The following KLK7 variants were observed in gnomAD, a reference collection of about 807,000 sequenced individuals.
KLK7 encodes kallikrein-7.
In KLK7, 17 loss-of-function variants were observed where a neutral mutation model predicts 21.0. The ratio of observed to expected loss-of-function variants is 0.81; its 90% CI spans 0.55 to 1.21. KLK7 has a LOEUF of 1.21. Among genes scored for constraint, KLK7 ranks in the 50% most tolerant of loss-of-function variants. The pLI is 0.00. For synonymous variants in KLK7, 151 were observed against 134.6 expected, an observed-to-expected ratio of 1.12 and a Z score of -0.85; for missense variants, 330 against 322.8, an observed-to-expected ratio of 1.02 and a Z score of -0.17.
chr19:50,982,227 G>A, intron 2 of KLK7, 100 bp downstream of exon 2: 1 of 1,456,800 alleles, frequency 6.9e-7, no homozygotes, highest in Non-Finnish European at 9.4e-7. Context: ...CTCCCAGGAT[G>A]GAAGCTGTTT....
chr19:50,982,183 A>C, intron 2 of KLK7, 144 bp downstream of exon 2: 1 of 1,101,308 alleles, frequency 9.1e-7, no homozygotes, highest in Non-Finnish European at 1.3e-6. Flanking sequence ...CAGCAGAAGC[A>C]GGAAGAGCGG....
chr19:50,981,808 GA>G lies in KLK7; in HGVS notation c.179del (p.Val60AlafsTer14). 6.3e-7 allele frequency: 1 copy of G among 1,597,110 alleles called. No individual in the cohort carries two copies. The highest frequency in any genetic ancestry group is 8.5e-7 in the Non-Finnish European group (1 of 1,173,372). On this transcript the variant is annotated frameshift_variant, in exon 3 of 6. Transcript: ENST00000595820. LOFTEE classifies it high-confidence loss of function. ...GNQLHCGGVLVNERWVLTAAH... is the reference protein window; with the variant it reads ...GNQLHCGGVLXNERWVLTAAH... ...CGGCAGTGAGCACCCAGCGCTCATT[GA>G]CCAGGACGCCTCCGCAGTGGAGCTG...
intron 1 of KLK7, among the ~76,000 whole-genome samples, chr19:50,983,325 C>T (rs1341746568): frequency 4.1e-5 from 1 of 24,566 alleles, no homozygotes. Context: ...AGGCCCCAGC[C>T]CCTCCTCCCT....
intron 1 of KLK7, among the ~76,000 whole-genome samples, chr19:50,983,359 G>T (rs1277970901): frequency 1.7e-5 from 1 of 60,492 alleles, no homozygotes; most frequent in Non-Finnish European, 3.0e-5. Context: ...CCAGGCCCCA[G>T]CCCCTCCTCC....
intron 5 of KLK7, among the ~76,000 whole-genome samples, chr19:50,979,262 A>T (rs1175594468): frequency 6.6e-6 from 1 of 152,192 alleles, no homozygotes; most frequent in African/African-American, 2.4e-5. Flanking sequence ...AACGAAATCA[A>T]ATGTAATACA....
chr19:50,984,024 C>T (rs987786744), upstream of KLK7: 5 of 862,586 alleles, frequency 5.8e-6, no homozygotes, highest in Non-Finnish European at 6.6e-6. Context: ...CCTGCATTTG[C>T]GGTTCTGGTT....
chr19:50,979,774 G>A lies in KLK7; in HGVS notation c.606+14C>T, dbSNP rs371139118. Reference sequence around the variant, plus strand: ...TACCCAGGACTGGGGAGGAATTGGGGGGGAGGGTCTCACATTGCAGGCGTT... The same window carrying A: ...TACCCAGGACTGGGGAGGAATTGGGAGGGAGGGTCTCACATTGCAGGCGTT... On this transcript the variant is annotated intron_variant, in intron 5 of 5. Transcript: ENST00000595820. 1.3e-6 allele frequency: 2 copies of A among 1,563,156 alleles called. No individual in the cohort carries two copies. The highest frequency in any genetic ancestry group is 2.4e-5 in the South Asian group (2 of 84,900).
At chr19:50,979,579 C>G (rs1390134493) in intron 5 of KLK7, among the ~76,000 whole-genome samples, 1 of 152,232 alleles carries the variant, frequency 6.6e-6, no homozygotes, top group Non-Finnish European at 1.5e-5. Flanking sequence ...CTATTAAACT[C>G]TCTGTCTCAT....
Position 50,980,383 on chromosome 19 carries a change from T to C in KLK7, c.326A>G (p.His109Arg). ...FRHPGYSTQT[H>R]VNDLMLVKLN... ...CTTCACGAGCATGAGGTCATTAACATGGGTCTGTGTGGAGTAGCCGGGGTG... is the reference window on the plus strand; with the variant it reads ...CTTCACGAGCATGAGGTCATTAACACGGGTCTGTGTGGAGTAGCCGGGGTG... Residue 109 changes from histidine to arginine, a missense_variant, in exon 4 of 6, where the codon CAT becomes CGT. His to Arg is a conservative substitution (Grantham distance 29). Transcript: ENST00000595820. 3.1e-6 allele frequency: 5 copies of C among 1,614,040 alleles called. No homozygotes were observed. Among genetic ancestry groups the C allele is most frequent in the Non-Finnish European group, 4.2e-6 (5 of 1,179,976 alleles).
chr19:50,983,737 T>C (rs1420123281), intron 1 of KLK7, 114 bp downstream of exon 1: 1 of 1,218,582 alleles, frequency 8.2e-7, no homozygotes, highest in African/African-American at 1.6e-5. Flanking sequence ...AGGCCCTCAC[T>C]GCTCAGGACC....
rs776670805 is a variant in KLK7, at chr19:50,977,673, A to G, written c.625T>C (p.Leu209=). 2 of 1,613,238 alleles carry G rather than the reference A, an allele frequency of 1.2e-6. No individual in the cohort carries two copies. Among genetic ancestry groups the G allele is most frequent in the Middle Eastern group, 1.8e-4 (1 of 5,702 alleles). Residue 209 remains leucine (L), a synonymous_variant, in exon 6 of 6, where the codon TTG becomes CTG. Coordinates refer to ENST00000595820, the MANE Select transcript of KLK7 (RefSeq NM_005046.4). The part of the protein sequence containing the change: ...NACNGDSGGP[L]VCRGTLQGLV... ...CCTTGCAGGGTACCTCTGCACACCA[A>G]CGGTCCCCCTGAGTCACCCTAGAGG...
rs200158151 is a variant in KLK7 at position 50,980,458 on chromosome 19, G to A, written c.251C>T (p.Thr84Met). The A allele has an allele frequency of 1.2e-5, 19 of 1,613,944 alleles. No individual in the cohort carries two copies. Among genetic ancestry groups the A allele is most frequent in the African/African-American group, 4.0e-5 (3 of 74,980 alleles). Reference sequence around the variant, plus strand: ...CCTCTGAGCTCTCCTGTCGCCCAGCGTATCACTGCCCAGGTGCACGGTGTA... The same window carrying A: ...CCTCTGAGCTCTCCTGTCGCCCAGCATATCACTGCCCAGGTGCACGGTGTA... ...NEYTVHLGSD[T>M]LGDRRAQRIK... Residue 84 changes from threonine (T) to methionine (M), a missense_variant, in exon 4 of 6, where the codon ACG becomes ATG. Physicochemically the swap from Thr to Met is moderately conservative, Grantham distance 81. Transcript: ENST00000595820.
At chr19:50,977,783 A>G in intron 5 of KLK7, 92 bp from the exon 6 acceptor site, 1 of 1,330,126 alleles carries the variant, frequency 7.5e-7, no homozygotes, top group Non-Finnish European at 1.1e-6. Context: ...TTTGTCTTGC[A>G]GATTATGGAC....
At chr19:50,983,951 C>G, upstream of KLK7, 1 of 1,285,688 alleles carries the variant, frequency 7.8e-7, no homozygotes, top group South Asian at 1.2e-5. Context: ...TATATCACCC[C>G]CCGCCCCATG....
In KLK7 at chr19:50,980,401, C is replaced by G. The variant is rs371907106; in HGVS notation, c.308G>C (p.Gly103Ala). 12 of 1,613,876 alleles carry G rather than the reference C, an allele frequency of 7.4e-6. No individual in the cohort carries two copies. Among genetic ancestry groups the G allele is most frequent in the Non-Finnish European group, 8.5e-6 (10 of 1,179,974 alleles). The change falls in exon 4 of 6, where the codon GGC (glycine) becomes GCC (alanine). Residue 103 changes from glycine (G) to alanine (A), a missense_variant. Gly to Ala is a moderately conservative substitution (Grantham distance 60, BLOSUM62 0). Coordinates refer to ENST00000595820, the MANE Select transcript of KLK7 (RefSeq NM_005046.4). ...ATTAACATGGGTCTGTGTGGAGTAG[C>G]CGGGGTGGCGGAATGACTTCGAGGC... ...IKASKSFRHP[G>A]YSTQTHVNDL...
At chr19:50,981,325 G>A (rs56021438) in intron 3 of KLK7, among the ~76,000 whole-genome samples, 41,011 of 130,512 alleles carry the variant, frequency 0.31, 8,899 homozygotes, top group African/African-American at 0.52. Flanking sequence ...AGACACAGAG[G>A]GGAACAGAGA....
intron 2 of KLK7, 154 bp from the exon 3 acceptor site, chr19:50,982,068 G>A: frequency 1.4e-5 from 13 of 914,658 alleles, no homozygotes; most frequent in Non-Finnish European, 1.9e-5. Context: ...GAGACAGACA[G>A]AAGGAGCCCA....
At chr19:50,983,688 G>A (rs2091109292) in intron 1 of KLK7, 163 bp downstream of exon 1, 2 of 1,035,942 alleles carry the variant, frequency 1.9e-6, no homozygotes, top group Admixed American at 6.9e-5. Flanking sequence ...TGACTCTGTA[G>A]TTCGTTTTTC....
chr19:50,980,913 CAGAGAGAGGGGAACAGAGACCAG>C (rs2091076072), intron 3 of KLK7, among the ~76,000 whole-genome samples: 1 of 130,022 alleles, frequency 7.7e-6, no homozygotes, highest in South Asian at 2.5e-4. Flanking sequence ...GACAGAGACC[CAGAGAGAGGGGAACAGAGACCAG>C]AGAGAGAGGG....
Sources: allele counts gnomAD v4.1 joint callset (sites outside exome capture counted in the v4.1 genomes callset), GRCh38; gene constraint gnomAD v4.1.1; transcripts MANE v1.5; gene names NCBI Gene and HGNC (gene_info 2026-07-23, HGNC 2026-07-21).